The following ARHGAP24 variants were observed in gnomAD, a reference collection of about 807,000 sequenced individuals.
The protein encoded by ARHGAP24 is rho GTPase-activating protein 24.
In ARHGAP24, 50 loss-of-function variants were observed where a neutral mutation model predicts 76.4. The ratio of observed to expected loss-of-function variants is 0.65; its 90% CI spans 0.52 to 0.83. ARHGAP24 has a LOEUF of 0.83. ARHGAP24 is among the 40% of genes least tolerant of loss of function. ARHGAP24 has a pLI of 0.00. For missense variants in ARHGAP24, 930 were observed against 914.2 expected (o/e 1.02, Z -0.22); for synonymous variants, 345 against 323.3 (o/e 1.07, Z -0.72).
intron 2 of ARHGAP24, among the ~76,000 whole-genome samples, chr4:85,582,952 T>A (rs577318939): frequency 6.6e-6 from 1 of 152,168 alleles, no homozygotes; most frequent in South Asian, 2.1e-4. Context: ...TGACCTGTTG[T>A]TTCCTTTAAT....
intron 5 of ARHGAP24, among the ~76,000 whole-genome samples, chr4:85,971,190 T>C (rs1315362574): frequency 6.6e-6 from 1 of 152,194 alleles, no homozygotes; most frequent in Non-Finnish European, 1.5e-5. Context: ...ATTTATAGCA[T>C]GTCACGCTAA....
chr4:85,726,101 C>T (rs1029388867), intron 3 of ARHGAP24, among the ~76,000 whole-genome samples: 23 of 152,120 alleles, frequency 1.5e-4, no homozygotes, highest in African/African-American at 5.3e-4. Context: ...TCTAGTTTCC[C>T]CCTCAAAACA....
chr4:85,476,592 T>C (rs996317913), intron 1 of ARHGAP24, among the ~76,000 whole-genome samples: 81 of 152,332 alleles, frequency 5.3e-4, no homozygotes, highest in African/African-American at 1.8e-3. Context: ...GACAAATTCA[T>C]TGGAATCCAG....
At chr4:85,606,687 A>G (rs1440133797) in intron 2 of ARHGAP24, among the ~76,000 whole-genome samples, 1 of 152,192 alleles carries the variant, frequency 6.6e-6, no homozygotes, top group Non-Finnish European at 1.5e-5. Flanking sequence ...TTGGGTAAGT[A>G]TGAACTAACT....
intron 3 of ARHGAP24, among the ~76,000 whole-genome samples, chr4:85,844,410 A>G (rs1730758890): frequency 6.6e-6 from 1 of 152,210 alleles, no homozygotes; most frequent in Non-Finnish European, 1.5e-5. Flanking sequence ...CCCCTAAACA[A>G]AAGTGTTAAT....
intron 3 of ARHGAP24, among the ~76,000 whole-genome samples, chr4:85,821,277 A>G (rs1188859057): frequency 6.6e-6 from 1 of 152,206 alleles, no homozygotes; most frequent in Non-Finnish European, 1.5e-5. Context: ...GTAAATTCCT[A>G]AATTTTGAAC....
chr4:85,675,840 T>G (rs1055822744), intron 2 of ARHGAP24, among the ~76,000 whole-genome samples: 1 of 152,188 alleles, frequency 6.6e-6, no homozygotes, highest in Non-Finnish European at 1.5e-5. Context: ...CTCAAAGTCA[T>G]CAGGCAGGAT....
intron 4 of ARHGAP24, among the ~76,000 whole-genome samples, chr4:85,932,009 T>C (rs1282305745): frequency 6.6e-6 from 1 of 151,800 alleles, no homozygotes; most frequent in Non-Finnish European, 1.5e-5. Context: ...ATAAGAAAAA[T>C]CAAAATTACA....
intron 3 of ARHGAP24, among the ~76,000 whole-genome samples, chr4:85,784,967 C>T (rs562912881): frequency 6.7e-6 from 1 of 149,020 alleles, no homozygotes; most frequent in Admixed American, 6.8e-5. Context: ...ATCTCTCTAT[C>T]TCTCTATCTG....
At chr4:85,504,540 A>G (rs926831779) in intron 1 of ARHGAP24, among the ~76,000 whole-genome samples, 8 of 152,010 alleles carry the variant, frequency 5.3e-5, no homozygotes, top group African/African-American at 1.4e-4. Context: ...TAGGATTGCA[A>G]CCCCTGCCTT....
chr4:85,963,888 T>C (rs978710581), intron 5 of ARHGAP24, among the ~76,000 whole-genome samples: 9 of 152,008 alleles, frequency 5.9e-5, no homozygotes, highest in Non-Finnish European at 1.3e-4. Flanking sequence ...TTACCACTTA[T>C]ATATGTTTTT....
chr4:85,663,059 T>G (rs1722468091), intron 2 of ARHGAP24, among the ~76,000 whole-genome samples: 1 of 152,026 alleles, frequency 6.6e-6, no homozygotes, highest in African/African-American at 2.4e-5. Context: ...CTAAAGAAAG[T>G]CATTGGTAGC....
chr4:85,904,295 AAGAG>A (rs140388595), intron 3 of ARHGAP24, among the ~76,000 whole-genome samples: 6 of 150,536 alleles, frequency 4.0e-5, no homozygotes, highest in Non-Finnish European at 5.9e-5. Flanking sequence ...AAGCAGGAGC[AAGAG>A]AGAGAGAGAG....
At chr4:85,854,496 C>A (rs1378697280) in intron 3 of ARHGAP24, among the ~76,000 whole-genome samples, 1 of 152,146 alleles carries the variant, frequency 6.6e-6, no homozygotes, top group African/African-American at 2.4e-5. Flanking sequence ...TTGACATTTC[C>A]TACCTACTTT....
chr4:85,895,762 G>A (rs905683026), intron 3 of ARHGAP24, among the ~76,000 whole-genome samples: 2 of 152,084 alleles, frequency 1.3e-5, no homozygotes, highest in African/African-American at 2.4e-5. Flanking sequence ...CTACTTGCAC[G>A]TAGCAGACTA....
intron 1 of ARHGAP24, among the ~76,000 whole-genome samples, chr4:85,496,059 CT>C (rs1723570648): frequency 6.6e-6 from 1 of 152,202 alleles, no homozygotes. Context: ...CGAACTCTTT[CT>C]TTCAGTGAAG....
chr4:85,542,224 T>G (rs1725732518), intron 1 of ARHGAP24, among the ~76,000 whole-genome samples: 1 of 152,218 alleles, frequency 6.6e-6, no homozygotes, highest in South Asian at 2.1e-4. Flanking sequence ...TTTCCTAATC[T>G]TATGTAGCGT....
chr4:85,692,367 CCTCT>C (rs917991374), intron 2 of ARHGAP24, among the ~76,000 whole-genome samples: 5 of 152,080 alleles, frequency 3.3e-5, no homozygotes, highest in African/African-American at 1.2e-4. Flanking sequence ...GAATTTGCAA[CCTCT>C]CTAACAAGAT....
intron 3 of ARHGAP24, among the ~76,000 whole-genome samples, chr4:85,746,802 C>T (rs943008950): frequency 1.3e-5 from 2 of 152,052 alleles, no homozygotes; most frequent in African/African-American, 4.8e-5. Context: ...CAGGTGCCTG[C>T]CACCATGCCT....
Sources: allele counts gnomAD v4.1 joint callset (sites outside exome capture counted in the v4.1 genomes callset), GRCh38; gene constraint gnomAD v4.1.1; transcripts MANE v1.5; gene names NCBI Gene and HGNC (gene_info 2026-07-23, HGNC 2026-07-21).